IGSF3: variants seen among roughly 807,000 people sequenced by gnomAD.
IGSF3 encodes glu-Trp-Ile EWI motif-containing protein 3.
IGSF3 carries 23 observed loss-of-function variants against 114.4 expected under a neutral mutation model. The ratio of observed to expected loss-of-function variants is 0.20; its 90% CI spans 0.14 to 0.28. The LOEUF (loss-of-function observed/expected upper bound fraction) is 0.28. Ranked by LOEUF, IGSF3 falls within the 10% of genes least tolerant of loss-of-function variation. The pLI is 1.00. For synonymous variants in IGSF3, 571 were observed against 645.2 expected (o/e 0.88, Z 1.74); for missense variants, 1,172 against 1,591.5 (o/e 0.74, Z 4.48).
rs4839547 is a variant in IGSF3, at chr1:116,648,433, G to A, written c.43+17851C>T. ...TGCCTCTCAAATGCCTTTCCCACGT[G>A]TCTAACTCTGCTTTGTTTAAAGCAC... On this transcript the variant is annotated intron_variant, in intron 2 of 10. Transcript: ENST00000369486. The surrounding 1 kb of genome is among the most constrained non-coding windows in gnomAD (Gnocchi z 4.7). Among the ~76,000 whole-genome samples the A allele has an allele frequency of 2.5e-3, 384 of 152,248 alleles. 6 individuals carry two copies. Among genetic ancestry groups the A allele is most frequent in the Admixed American group, 0.022 (341 of 15,292 alleles).
intron 2 of IGSF3, among the ~76,000 whole-genome samples, chr1:116,640,049 A>G (rs948159151): frequency 5.3e-5 from 8 of 151,208 alleles, no homozygotes; most frequent in Non-Finnish European, 1.0e-4. Context: ...AAAAAAAAAA[A>G]AAAAAAAAGA....
rs559390689 is a variant in IGSF3 at position 116,610,378 on chromosome 1, T to G, written c.833-2047A>C. Among the ~76,000 whole-genome samples, 1 of 152,180 alleles carries G rather than the reference T, an allele frequency of 6.6e-6. No homozygotes were observed. The highest frequency in any genetic ancestry group is 1.5e-5 in the Non-Finnish European group (1 of 68,028). On this transcript the variant is annotated intron_variant, in intron 4 of 10. Coordinates refer to ENST00000369486, the MANE Select transcript of IGSF3 (RefSeq NM_001007237.3). The surrounding 1 kb of genome is among the most constrained non-coding windows in gnomAD (Gnocchi z 4.3). The stretch of plus-strand genomic sequence containing the variant: ...TTCTCATCTCAAGGGAATCCCCCCA[T>G]GCCTTGGTGACACCTTCATGTTCCC...
rs377360412 is a variant in IGSF3 at position 116,603,834 on chromosome 1, C to T, written c.1414G>A (p.Gly472Ser). The T allele has an allele frequency of 1.1e-5, 18 of 1,613,916 alleles. No homozygotes were observed. The African/African-American group carries it at 2.3e-4, about 20-fold the overall frequency. ...CTGCTGCGCTCCCAGTAGGACGAGC[C>T]TGGCTGCACGGTGCCATCCCGGTCT... ...WLDRDGTVQP[G>S]SSYWERSSFG... Residue 472 changes from glycine (G) to serine (S), a missense_variant, in exon 6 of 11, where the codon GGC becomes AGC. By Grantham distance (56) the Gly-to-Ser change is moderately conservative (BLOSUM62 0). This residue lies in a region of IGSF3 where 736 missense variants were observed against 1,042.0 expected (regional missense o/e 0.71). Coordinates refer to ENST00000369486, the MANE Select transcript of IGSF3 (RefSeq NM_001007237.3). This position sits in a 1 kb window ranked among gnomAD's most constrained non-coding sequence, Gnocchi z 7.1.
chr1:116,650,776 A>G lies in IGSF3; in HGVS notation c.43+15508T>C, dbSNP rs1363891262. 3.3e-5 allele frequency among the ~76,000 whole-genome samples: 5 copies of G among 152,230 alleles called. No homozygotes were observed. The highest frequency in any genetic ancestry group is 7.3e-5 in the Non-Finnish European group (5 of 68,046). Reference sequence around the variant, plus strand: ...AATTATCCTGTGGGTGTGAGAAAAGAGTGTGCATTATAATAGGGTGCTACA... The same window carrying G: ...AATTATCCTGTGGGTGTGAGAAAAGGGTGTGCATTATAATAGGGTGCTACA... On this transcript the variant is annotated intron_variant, in intron 2 of 10. Coordinates refer to ENST00000369486, the MANE Select transcript of IGSF3 (RefSeq NM_001007237.3). The surrounding 1 kb of genome is among the most constrained non-coding windows in gnomAD (Gnocchi z 5.0).
chr1:116,649,651 G>A lies in IGSF3; in HGVS notation c.43+16633C>T, dbSNP rs1557885433. Among the ~76,000 whole-genome samples the A allele has an allele frequency of 2.0e-5, 3 of 152,104 alleles. No homozygotes were observed. The highest frequency in any genetic ancestry group is 1.5e-5 in the Non-Finnish European group (1 of 68,030). ...ATCAACTCAAATGTGAGTTATTCCA[G>A]TAGCTTGAACTTGTCACTGGCCTTT... On this transcript the variant is annotated intron_variant, in intron 2 of 10. Coordinates refer to ENST00000369486, the MANE Select transcript of IGSF3 (RefSeq NM_001007237.3). The surrounding 1 kb of genome is among the most constrained non-coding windows in gnomAD (Gnocchi z 4.5).
At chr1:116,619,166 C>T (rs1383036926) in intron 2 of IGSF3, among the ~76,000 whole-genome samples, 1 of 152,170 alleles carries the variant, frequency 6.6e-6, no homozygotes, top group Non-Finnish European at 1.5e-5. Context: ...TTGGTAGAGA[C>T]CCAATCACTG....
chr1:116,664,142 T>A lies in IGSF3; in HGVS notation c.43+2142A>T, dbSNP rs1649232354. The stretch of plus-strand genomic sequence containing the variant: ...GAAGAGAAAGATGAGGTTCCACCAG[T>A]GGGGCTCCAAATCAGGCAGAGATCC... On this transcript the variant is annotated intron_variant, in intron 2 of 10. Transcript: ENST00000369486. This position sits in a 1 kb window ranked among gnomAD's most constrained non-coding sequence, Gnocchi z 4.6. Among the ~76,000 whole-genome samples the A allele has an allele frequency of 6.6e-6, 1 of 152,222 alleles. No homozygotes were observed. Among genetic ancestry groups the A allele is most frequent in the Non-Finnish European group, 1.5e-5 (1 of 68,036 alleles).
rs1174034430 is a variant in IGSF3 at position 116,624,947 on chromosome 1, T to A, written c.44-8490A>T. On this transcript the variant is annotated intron_variant, in intron 2 of 10. Transcript: ENST00000369486. The surrounding 1 kb of genome is among the most constrained non-coding windows in gnomAD (Gnocchi z 4.9). ...GCACCCAGCTCCACCTGCCACCATG[T>A]GAGTGAACAAGCCTCCACTGTGAGC... Among the ~76,000 whole-genome samples the A allele has an allele frequency of 1.3e-5, 2 of 152,224 alleles. No individual in the cohort carries two copies. The highest frequency in any genetic ancestry group is 2.9e-5 in the Non-Finnish European group (2 of 68,032).
At position 116,585,032 on chromosome 1, in the gene IGSF3, G is replaced by T. The variant is rs1018822822; in HGVS notation, c.2461C>A (p.Gln821Lys). ...AGAACCGACAGGTTCCCCTGGGCTT[G>T]GCTGAGCCTCAGGCGGCTGTCTGGA... ...KQPDSRLRLS[Q>K]AQGNLSVLET... Residue 821 changes from glutamine (Q) to lysine (K), a missense_variant, in exon 9 of 11, where the codon CAA (glutamine) becomes AAA (lysine). This residue lies in a region of IGSF3 where 423 missense variants were observed against 509.8 expected (regional missense o/e 0.83). Transcript: ENST00000369486. The surrounding 1 kb of genome is among the most constrained non-coding windows in gnomAD (Gnocchi z 4.9). The T allele has an allele frequency of 1.3e-6, 2 of 1,543,854 alleles. No homozygotes were observed. Among genetic ancestry groups the T allele is most frequent in the African/African-American group, 2.7e-5 (2 of 73,048 alleles).
Position 116,665,947 on chromosome 1 carries a change from G to A in IGSF3, c.43+337C>T, listed in dbSNP as rs1456487409. ...GCCCAACAAAGAAGTGAAAACACCA[G>A]AGCATCCATGTTTGACATGCTACAA... On this transcript the variant is annotated intron_variant, in intron 2 of 10. Transcript: ENST00000369486. The surrounding 1 kb of genome is among the most constrained non-coding windows in gnomAD (Gnocchi z 4.0). Among the ~76,000 whole-genome samples the A allele has an allele frequency of 7.9e-5, 12 of 152,154 alleles. No homozygotes were observed. The highest frequency in any genetic ancestry group is 5.9e-4 in the Admixed American group (9 of 15,280).
At position 116,577,265 on chromosome 1, in the gene IGSF3, A is replaced by C; in HGVS notation, c.*47T>G. 1 of 1,601,082 alleles carries C rather than the reference A, an allele frequency of 6.2e-7. No individual in the cohort carries two copies. On this transcript the variant is annotated 3_prime_UTR_variant, in exon 11 of 11. Transcript: ENST00000369486. This position sits in a 1 kb window ranked among gnomAD's most constrained non-coding sequence, Gnocchi z 5.7. ...CAACTGTCCAATCACAGAGAAAGGG[A>C]GAGCCTCAGCTCCTCCGTGGCCAAC...
Position 116,652,068 on chromosome 1 carries a change from G to A in IGSF3, c.43+14216C>T, listed in dbSNP as rs115507968. On this transcript the variant is annotated intron_variant, in intron 2 of 10. Coordinates refer to ENST00000369486, the MANE Select transcript of IGSF3 (RefSeq NM_001007237.3). ...GAGATCTAATCTAATCTTGGAAGGT[G>A]AGGATCCTGGACGTCACTAACTTGG... is the stretch of plus-strand genomic sequence containing the variant. 3.6e-3 allele frequency among the ~76,000 whole-genome samples: 547 copies of A among 152,290 alleles called. 2 individuals carry two copies. The highest frequency in any genetic ancestry group is 0.013 in the African/African-American group (521 of 41,556).
At chr1:116,631,875 G>A (rs2336280) in intron 2 of IGSF3, among the ~76,000 whole-genome samples, 4 of 152,192 alleles carry the variant, frequency 2.6e-5, no homozygotes, top group African/African-American at 9.7e-5. Flanking sequence ...CCCATGGATC[G>A]ATTTGAGAAA....
Position 116,583,992 on chromosome 1 carries a change from C to A in IGSF3, c.2848+653G>T, listed in dbSNP as rs1253210632. ...GGTCACGAGGTCAGGAGATCGAGAC[C>A]AGCTTGGCCAACATGATGAAACCCC... is the stretch of plus-strand genomic sequence containing the variant. On this transcript the variant is annotated intron_variant, in intron 9 of 10. Transcript: ENST00000369486. The surrounding 1 kb of genome is among the most constrained non-coding windows in gnomAD (Gnocchi z 4.5). 6.6e-6 allele frequency among the ~76,000 whole-genome samples: 1 copy of A among 152,082 alleles called. No homozygotes were observed. Among genetic ancestry groups the A allele is most frequent in the Non-Finnish European group, 1.5e-5 (1 of 68,034 alleles).
Position 116,585,040 on chromosome 1 carries a change from C to T in IGSF3, c.2453G>A (p.Arg818Lys). ...CAGGTTCCCCTGGGCTTGGCTGAGC[C>T]TCAGGCGGCTGTCTGGAACAGTAAG... ...VTVKQPDSRL[R>K]LSQAQGNLSV... is the part of the protein sequence containing the mutation. Residue 818 changes from arginine to lysine, a missense_variant, in exon 9 of 11, where the codon AGG becomes AAG. By Grantham distance (26) the Arg-to-Lys change is conservative. This residue lies in a region of IGSF3 where 423 missense variants were observed against 509.8 expected (regional missense o/e 0.83). Transcript: ENST00000369486. The surrounding 1 kb of genome is among the most constrained non-coding windows in gnomAD (Gnocchi z 4.9). 6.5e-7 allele frequency: 1 copy of T among 1,536,886 alleles called. No homozygotes were observed. Among genetic ancestry groups the T allele is most frequent in the Non-Finnish European group, 8.8e-7 (1 of 1,138,928 alleles).
chr1:116,622,511 T>C (rs904466515), intron 2 of IGSF3, among the ~76,000 whole-genome samples: 11 of 152,098 alleles, frequency 7.2e-5, no homozygotes, highest in African/African-American at 2.4e-4. Flanking sequence ...AAACAAAACA[T>C]TGATGATACT....
At chr1:116,587,884 GAT>G (rs548878074) in intron 8 of IGSF3, among the ~76,000 whole-genome samples, 88 of 152,334 alleles carry the variant, frequency 5.8e-4, no homozygotes, top group Non-Finnish European at 1.1e-3. Flanking sequence ...GAATTGCAGG[GAT>G]GTGAGAATGA....
In IGSF3 at chr1:116,634,438, G is replaced by GCCTGGCTTCATGCCCAGAACATCA. The variant is rs548236829; in HGVS notation, c.44-18005_44-17982dup. ...ATCTGCCTTGGAGCACCCACAGCAA[G>GCCTGGCTTCATGCCCAGAACATCA]CCTGGCTTCATGCCCAGAACATCAC... On this transcript the variant is annotated intron_variant, in intron 2 of 10. Transcript: ENST00000369486. This position sits in a 1 kb window ranked among gnomAD's most constrained non-coding sequence, Gnocchi z 4.2. Among the ~76,000 whole-genome samples the GCCTGGCTTCATGCCCAGAACATCA allele has an allele frequency of 3.8e-3, 579 of 152,184 alleles. 3 individuals are homozygous for GCCTGGCTTCATGCCCAGAACATCA. Among genetic ancestry groups the GCCTGGCTTCATGCCCAGAACATCA allele is most frequent in the South Asian group, 0.01 (50 of 4,796 alleles).
In IGSF3 at chr1:116,651,347, A is replaced by G. The variant is rs947810887; in HGVS notation, c.43+14937T>C. On this transcript the variant is annotated intron_variant, in intron 2 of 10. Coordinates refer to ENST00000369486, the MANE Select transcript of IGSF3 (RefSeq NM_001007237.3). This position sits in a 1 kb window ranked among gnomAD's most constrained non-coding sequence, Gnocchi z 4.4. ...CAGGTTCTTTGGGCTACTGACAAGC[A>G]CTCCAGACCCAAATACACATGCTCC... is the stretch of plus-strand genomic sequence containing the variant. Among the ~76,000 whole-genome samples, 49 of 152,116 alleles carry G rather than the reference A, an allele frequency of 3.2e-4. No homozygotes were observed. Among genetic ancestry groups the G allele is most frequent in the African/African-American group, 1.2e-3 (48 of 41,400 alleles).
Sources: gnomAD v4.1 joint callset for allele counts (sites outside exome capture counted in the v4.1 genomes callset) on GRCh38, gnomAD v4.1.1 for gene constraint, gnomAD v4.1.1 regional missense constraint, Gnocchi (gnomAD v3.1) non-coding constraint, MANE v1.5 for transcripts, NCBI Gene and HGNC (gene_info 2026-07-23, HGNC 2026-07-21) for gene names.